The following GOLGB1 variants were observed in gnomAD, a reference collection of about 807,000 sequenced individuals.
GOLGB1 encodes golgin B1, also known as golgin subfamily B member 1.
In GOLGB1, 174 loss-of-function variants were observed where a neutral mutation model predicts 336.9. The observed-to-expected ratio is 0.52, with a 90% CI of 0.46 to 0.59. The LOEUF is 0.59. Ranked by LOEUF, GOLGB1 falls within the 20% of genes least tolerant of loss-of-function variation. The probability of loss-of-function intolerance (pLI) is 0.00; values close to 1 mark genes in which losing one functional copy is unlikely to be tolerated. For synonymous variants in GOLGB1, 1,208 were observed against 1,289.2 expected, an observed-to-expected ratio of 0.94 and a Z score of 1.35; for missense variants, 3,331 against 3,645.3, an observed-to-expected ratio of 0.91 and a Z score of 2.22.
chr3:121,710,110 A>G (rs1944223336), intron 10 of GOLGB1, among the ~76,000 whole-genome samples: 1 of 151,826 alleles, frequency 6.6e-6, no homozygotes, highest in African/African-American at 2.4e-5. Flanking sequence ...GTGGAAAAAA[A>G]AAAAAAAATC....
Position 121,697,990 on chromosome 3 carries a change from G to T in GOLGB1, c.2533C>A (p.Leu845Met). 6.2e-7 allele frequency: 1 copy of T among 1,614,036 alleles called. No individual in the cohort carries two copies. Among genetic ancestry groups the T allele is most frequent in the Middle Eastern group, 1.7e-4 (1 of 6,060 alleles). ...AGCACTTCACTTTCCTTATTTTGCA[G>T]CTGGCTTTGCAGGCTTCTTATCAGG... ...STLIRSLQSQ[L>M]QNKESEVLEG... The change falls in exon 13 of 22, where the codon CTG becomes ATG. Residue 845 changes from leucine to methionine, a missense_variant. Coordinates refer to ENST00000614479, the MANE Select transcript of GOLGB1 (RefSeq NM_001366282.2).
At chr3:121,746,062 T>C (rs565323316) in intron 1 of GOLGB1, among the ~76,000 whole-genome samples, 1 of 152,340 alleles carries the variant, frequency 6.6e-6, no homozygotes, top group East Asian at 1.9e-4. Context: ...TGTGTATATA[T>C]GCATATATGC....
At chr3:121,737,109 C>G (rs1400465424) in intron 1 of GOLGB1, among the ~76,000 whole-genome samples, 2 of 152,194 alleles carry the variant, frequency 1.3e-5, no homozygotes, top group African/African-American at 4.8e-5. Flanking sequence ...TATACAATAA[C>G]TGTCTGTCTA....
intron 1 of GOLGB1, among the ~76,000 whole-genome samples, chr3:121,742,137 A>G (rs1278421762): frequency 6.6e-6 from 1 of 152,204 alleles, no homozygotes; most frequent in African/African-American, 2.4e-5. Context: ...ATATGGAACC[A>G]AAAAAGAGCC....
intron 10 of GOLGB1, among the ~76,000 whole-genome samples, chr3:121,712,894 T>C (rs981271852): frequency 4.8e-4 from 73 of 152,200 alleles, no homozygotes; most frequent in Non-Finnish European, 4.6e-4. Context: ...CCAGGTGCGG[T>C]GGCTCATGCC....
At position 121,691,293 on chromosome 3, in the gene GOLGB1, G is replaced by T; in HGVS notation, c.8071C>A (p.His2691Asn). The T allele has an allele frequency of 6.2e-7, 1 of 1,613,310 alleles. No individual in the cohort carries two copies. Among genetic ancestry groups the T allele is most frequent in the Non-Finnish European group, 8.5e-7 (1 of 1,179,760 alleles). Residue 2691 changes from histidine to asparagine, a missense_variant, in exon 14 of 22, where the codon CAT becomes AAT. Physicochemically the swap from His to Asn is moderately conservative, Grantham distance 68 (BLOSUM62 1). Transcript: ENST00000614479. ...IEDKLKKELK[H>N]LHHDAGIMRN... ...ATTATCCCTGCATCATGATGAAGAT[G>T]CTTTAATTCTTTCTTCAGTTTATCT...
intron 6 of GOLGB1, 62 bp from the exon 7 acceptor site, chr3:121,719,830 C>A: frequency 6.3e-6 from 9 of 1,420,030 alleles, no homozygotes; most frequent in Non-Finnish European, 8.4e-6. Flanking sequence ...ACAAATAAAA[C>A]TCACAGACTA....
At chr3:121,677,202 T>TAAAA in intron 16 of GOLGB1, 83 bp downstream of exon 16, 14 of 1,137,388 alleles carry the variant, frequency 1.2e-5, no homozygotes, top group Non-Finnish European at 1.7e-5. Flanking sequence ...GGTAGCGTCT[T>TAAAA]AAAAAAAAAA....
chr3:121,697,405 C>T lies in GOLGB1; in HGVS notation c.3118G>A (p.Gly1040Arg), dbSNP rs777702825. Reference sequence around the variant, plus strand: ...TTTTCTTTATCTTCTTCCACTTCTCCCCTCTCAGTCTCACTGAGTGGGATT... The same window carrying T: ...TTTTCTTTATCTTCTTCCACTTCTCTCCTCTCAGTCTCACTGAGTGGGATT... ...KEIPLSETER[G>R]EVEEDKENKE... The change falls in exon 13 of 22, where the codon GGA (glycine) becomes AGA (arginine). Residue 1040 changes from glycine (G) to arginine (R), a missense_variant. Gly to Arg is a moderately radical substitution (Grantham distance 125). Transcript: ENST00000614479. 3.1e-6 allele frequency: 5 copies of T among 1,613,306 alleles called. No individual in the cohort carries two copies. The highest frequency in any genetic ancestry group is 4.2e-6 in the Non-Finnish European group (5 of 1,179,786).
At chr3:121,729,798 T>G in intron 3 of GOLGB1, 67 bp downstream of exon 3, 1 of 1,176,294 alleles carries the variant, frequency 8.5e-7, no homozygotes, top group East Asian at 2.3e-5. Flanking sequence ...AGACAAAAAT[T>G]AAAGTGAGTA....
rs778553068 is a variant in GOLGB1, at chr3:121,692,596, A to T, written c.6783-15T>A. 3 of 1,456,114 alleles carry T rather than the reference A, an allele frequency of 2.1e-6. No homozygotes were observed. The South Asian group carries it at 3.9e-5, about 19-fold the overall frequency. The allele number at this position is 1,456,114 out of a possible 1,614,324, so 90.2% of individuals were successfully genotyped here. ...CATGTTCAAGCCTGAAACAGAGAGA[A>T]GGTCATTAGTTACAGATTTCAAGAA... On this transcript the variant is annotated splice_polypyrimidine_tract_variant and intron_variant, in intron 13 of 21. Coordinates refer to ENST00000614479, the MANE Select transcript of GOLGB1 (RefSeq NM_001366282.2).
At chr3:121,748,268 A>G in intron 1 of GOLGB1, among the ~76,000 whole-genome samples, 1 of 152,214 alleles carries the variant, frequency 6.6e-6, no homozygotes, top group East Asian at 1.9e-4. Flanking sequence ...TCATTCTTTT[A>G]CGTTTATACT....
intron 17 of GOLGB1, among the ~76,000 whole-genome samples, chr3:121,672,295 C>CT (rs34362453): frequency 0.11 from 16,579 of 152,174 alleles, 1,053 homozygotes; most frequent in Non-Finnish European, 0.15. Context: ...GAATCTGTTA[C>CT]TACCTGTCTT....
intron 17 of GOLGB1, among the ~76,000 whole-genome samples, chr3:121,675,692 T>A (rs931132558): frequency 2.6e-5 from 4 of 152,260 alleles, no homozygotes; most frequent in African/African-American, 4.8e-5. Flanking sequence ...ATCTTCACTT[T>A]GTGAAAATAT....
Position 121,675,407 on chromosome 3 carries a change from T to C in GOLGB1, c.9177+1486A>G, listed in dbSNP as rs1576281407. ...GTAAAAACACCAACTGCACTATTTG[T>C]AATAGCCCCAAACTGGAGAAGCCCA... On this transcript the variant is annotated intron_variant, in intron 17 of 21. Coordinates refer to ENST00000614479, the MANE Select transcript of GOLGB1 (RefSeq NM_001366282.2). Among the ~76,000 whole-genome samples the C allele has an allele frequency of 5.3e-5, 8 of 152,338 alleles. 2 individuals are homozygous for C. The South Asian group carries it at 1.7e-3, about 32-fold the overall frequency.
chr3:121,695,348 G>A lies in GOLGB1; in HGVS notation c.5175C>T (p.Ser1725=), dbSNP rs748476212. ...CAAGTTCTTCCTTCATGCTGGCATT[G>A]GAAGAAAGAAGTGTTTCCATACACT... The part of the protein sequence containing the change: ...AKECMETLLS[S]NASMKEELER... Residue 1725 remains serine (S), a synonymous_variant, in exon 13 of 22, where the codon TCC becomes TCT. Transcript: ENST00000614479. The A allele has an allele frequency of 6.6e-5, 107 of 1,613,956 alleles. No homozygotes were observed. The South Asian group carries it at 1.1e-3, about 16-fold the overall frequency.
chr3:121,684,553 G>A (rs1322687545), intron 14 of GOLGB1, among the ~76,000 whole-genome samples: 20 of 152,026 alleles, frequency 1.3e-4, no homozygotes, highest in Non-Finnish European at 2.5e-4. Flanking sequence ...GAGGGGAAGG[G>A]AAGTGAGAAA....
At chr3:121,699,698 T>G (rs1239362829) in intron 12 of GOLGB1, 114 bp downstream of exon 12, 1 of 565,358 alleles carries the variant, frequency 1.8e-6, no homozygotes, top group Non-Finnish European at 3.2e-6. Flanking sequence ...GATCTTACTC[T>G]ATAGGTAATG....
In GOLGB1 at chr3:121,664,257, C is replaced by G; in HGVS notation, c.*223G>C. The G allele has an allele frequency of 5.4e-6, 3 of 555,052 alleles. No individual in the cohort carries two copies. The highest frequency in any genetic ancestry group is 9.7e-6 in the Non-Finnish European group (3 of 308,298). 34.4% of individuals were successfully genotyped at this position (555,052 alleles called of 1,614,324 possible). A position where few individuals can be genotyped will look rare whatever the true frequency, so the allele number is the denominator to read the frequency against. On this transcript the variant is annotated 3_prime_UTR_variant, in exon 22 of 22. Coordinates refer to ENST00000614479, the MANE Select transcript of GOLGB1 (RefSeq NM_001366282.2). Reference sequence around the variant, plus strand: ...AACCAAATGTGATTCTCAGATTAAGCAGAAGCGTTCAGGCTCAGGGCAGTA... The same window carrying G: ...AACCAAATGTGATTCTCAGATTAAGGAGAAGCGTTCAGGCTCAGGGCAGTA...
Sources: allele counts gnomAD v4.1 joint callset (sites outside exome capture counted in the v4.1 genomes callset), GRCh38; gene constraint gnomAD v4.1.1; transcripts MANE v1.5; gene names NCBI Gene and HGNC (gene_info 2026-07-23, HGNC 2026-07-21).